The following RNF213 variants were observed in gnomAD, a reference collection of about 807,000 sequenced individuals.
RNF213 encodes the protein E3 ubiquitin-protein ligase RNF213.
In RNF213, 341 loss-of-function variants were observed where a neutral mutation model predicts 514.4. The ratio of observed to expected loss-of-function variants is 0.66; its 90% CI spans 0.61 to 0.73. RNF213 has a LOEUF of 0.73. Among genes scored for constraint, RNF213 ranks in the 30% least tolerant of loss-of-function variants. RNF213 has a pLI of 0.00. For missense variants in RNF213, 5,767 were observed against 6,615.6 expected (o/e 0.87, Z 4.45); for synonymous variants, 2,655 against 2,658.2 (o/e 1.00, Z 0.04).
Position 80,347,395 on chromosome 17 carries a change from G to C in RNF213, c.9060G>C (p.Gln3020His). 2 of 1,613,944 alleles carry C rather than the reference G, an allele frequency of 1.2e-6. No homozygotes were observed. The highest frequency in any genetic ancestry group is 1.7e-6 in the Non-Finnish European group (2 of 1,180,036). Residue 3020 changes from glutamine to histidine, a missense_variant, in exon 29 of 68, where the codon CAG becomes CAC. Gln to His is a conservative substitution (Grantham distance 24). This residue lies in a region of RNF213 where 919 missense variants were observed against 1,121.0 expected (regional missense o/e 0.82). Coordinates refer to ENST00000582970, the MANE Select transcript of RNF213 (RefSeq NM_001256071.3). This position sits in a 1 kb window ranked among gnomAD's most constrained non-coding sequence, Gnocchi z 7.2. ...TCAGCCCCATGCAGCTGATCAAACA[G>C]AACATCTTTGGGCCTTCTCAGAAGG... ...EEVSPMQLIK[Q>H]NIFGPSQKVP...
intron 2 of RNF213, among the ~76,000 whole-genome samples, chr17:80,268,972 C>A (rs1411126929): frequency 6.6e-6 from 1 of 152,146 alleles, no homozygotes; most frequent in African/African-American, 2.4e-5. Context: ...TGGCTGAAGA[C>A]CCGAGATCCC....
At chr17:80,291,534 A>G (rs969443980) in intron 7 of RNF213, 94 bp from the exon 8 acceptor site, 2 of 1,278,430 alleles carry the variant, frequency 1.6e-6, no homozygotes, top group African/African-American at 2.9e-5. Context: ...TGCCACATCA[A>G]CTTATAGCTT....
At chr17:80,378,114 C>G (rs1434346701) in intron 54 of RNF213, among the ~76,000 whole-genome samples, 1 of 152,210 alleles carries the variant, frequency 6.6e-6, no homozygotes, top group African/African-American at 2.4e-5. Context: ...ACAGCTAAAA[C>G]CAGACATTGA....
intron 11 of RNF213, 146 bp downstream of exon 11, chr17:80,298,664 A>G (rs2045054427): frequency 1.1e-6 from 1 of 890,676 alleles, no homozygotes; most frequent in African/African-American, 1.6e-5. Flanking sequence ...ATTTTAAGAC[A>G]TCAAAACTGT....
chr17:80,379,861 T>G (rs2144585234), intron 55 of RNF213, 147 bp downstream of exon 55: 2 of 720,084 alleles, frequency 2.8e-6, no homozygotes, highest in African/African-American at 1.7e-5. Flanking sequence ...AATGCCAAAG[T>G]CCCAGCAGTC....
At chr17:80,279,966 A>G (rs970905018) in intron 3 of RNF213, among the ~76,000 whole-genome samples, 9 of 152,182 alleles carry the variant, frequency 5.9e-5, no homozygotes, top group Admixed American at 3.3e-4. Context: ...CCTTCCCCGC[A>G]CCGCGCTCCC....
chr17:80,287,884 C>T lies in RNF213; in HGVS notation c.331C>T (p.Pro111Ser), dbSNP rs1333357899. The T allele has an allele frequency of 1.3e-6, 2 of 1,589,674 alleles. No individual in the cohort carries two copies. The highest frequency in any genetic ancestry group is 1.1e-5 in the South Asian group (1 of 88,316). The change falls in exon 4 of 68, where the codon CCC becomes TCC. Residue 111 changes from proline to serine, a missense_variant. Coordinates refer to ENST00000582970, the MANE Select transcript of RNF213 (RefSeq NM_001256071.3). ...CGCTTCCTCAGAGCTGGCTTCCTTG[C>T]CCCTTTCTCCTGCCAGCCCCTGTCA... Reference protein sequence around the residue: ...KSASSELASLPLSPASPCHLT... With the variant: ...KSASSELASLSLSPASPCHLT...
At position 80,372,723 on chromosome 17, in the gene RNF213, A is replaced by AG. The variant is rs2079565295; in HGVS notation, c.12743dup (p.Gly4249ArgfsTer78). 1.1e-5 allele frequency: 17 copies of AG among 1,613,156 alleles called. No homozygotes were observed. The highest frequency in any genetic ancestry group is 1.4e-5 in the Non-Finnish European group (16 of 1,179,986). On this transcript the variant is annotated frameshift_variant, in exon 48 of 68. Coordinates refer to ENST00000582970, the MANE Select transcript of RNF213 (RefSeq NM_001256071.3). LOFTEE classifies it high-confidence loss of function. ...GCTGCAGATTTCCTCTCGGAGCCTG[A>AG]GGGAGGCCCAGGCAAGTCTTCTCTG... is the stretch of plus-strand genomic sequence containing the variant.
At chr17:80,336,823 C>T in intron 23 of RNF213, 2 of 322,070 alleles carry the variant, frequency 6.2e-6, no homozygotes, top group Non-Finnish European at 1.2e-5. Flanking sequence ...ATTGCTTGAA[C>T]CCGGGAGGCA....
rs1272978398 is a variant in RNF213 at position 80,339,640 on chromosome 17, G to C, written c.5273G>C (p.Arg1758Thr). The C allele has an allele frequency of 6.5e-7, 1 of 1,537,222 alleles. No individual in the cohort carries two copies. The highest frequency in any genetic ancestry group is 1.4e-5 in the African/African-American group (1 of 73,146). ...AGTGAGGCCGCCAGGTACCGCATGA[G>C]GAGAGTCATGGAAGAGCTCCCGCTG... ...CGSEAARYRM[R>T]RVMEELPLML... The change falls in exon 26 of 68, where the codon AGG (arginine) becomes ACG (threonine). Residue 1758 changes from arginine (R) to threonine (T), a missense_variant. By Grantham distance (71) the Arg-to-Thr change is moderately conservative (BLOSUM62 -1). Around this residue, in one of 13 missense-constraint regions of RNF213, gnomAD observed 1,377 missense variants for 1,635.2 expected, o/e 0.84. Transcript: ENST00000582970.
At chr17:80,390,306 C>A in intron 67 of RNF213, 110 bp downstream of exon 67, 1 of 1,312,146 alleles carries the variant, frequency 7.6e-7, no homozygotes, top group Non-Finnish European at 1.1e-6. Flanking sequence ...AATCCCATTT[C>A]CTGCTTTTTG....
intron 18 of RNF213, among the ~76,000 whole-genome samples, chr17:80,325,706 T>C (rs2046261670): frequency 6.6e-6 from 1 of 151,828 alleles, no homozygotes; most frequent in Non-Finnish European, 1.5e-5. Flanking sequence ...AGGTGTTTTG[T>C]GGTCAAGGAG....
chr17:80,274,929 TGTGTGTGTTGGGTGTGTGAGTGGGGG>T (rs2043989685), intron 3 of RNF213, among the ~76,000 whole-genome samples: 3 of 57,466 alleles, frequency 5.2e-5, no homozygotes, highest in South Asian at 1.4e-3. Context: ...GTGAGTGGGG[TGTGTGTGTTGGGTGTGTGAGTGGGGG>T]GTGTGTGTGT....
At chr17:80,386,645 C>CG in intron 62 of RNF213, 45 bp from the exon 63 acceptor site, 1 of 1,586,258 alleles carries the variant, frequency 6.3e-7, no homozygotes, top group Non-Finnish European at 8.7e-7. Context: ...GCCCTAGGCC[C>CG]GCATGCCTGG....
At chr17:80,344,651 C>T in intron 28 of RNF213, 27 bp from the exon 29 acceptor site, 2 of 1,613,472 alleles carry the variant, frequency 1.2e-6, no homozygotes, top group Non-Finnish European at 1.7e-6. Flanking sequence ...TTCTTGTAAC[C>T]ATTTCATTAA....
Position 80,332,740 on chromosome 17 carries a change from T to C in RNF213, c.4143+109T>C, listed in dbSNP as rs184681719. ...AAAAGGGGGGCGGATGACTTAGAGC[T>C]TCCGTCAGGGGCTCCTGTGTGTGTG... On this transcript the variant is annotated intron_variant, in intron 21 of 67. Transcript: ENST00000582970. The C allele has an allele frequency of 3.2e-6, 4 of 1,263,856 alleles. No homozygotes were observed. The East Asian group carries it at 1.0e-4, about 32-fold the overall frequency. 78.3% of individuals were successfully genotyped at this position (1,263,856 alleles called of 1,614,324 possible).
intron 36 of RNF213, chr17:80,354,944 G>A (rs1215624335): frequency 4.7e-5 from 17 of 363,612 alleles, no homozygotes; most frequent in South Asian, 1.1e-4. Context: ...GGGGACAGGC[G>A]GGATTTTCCC....
In RNF213 at chr17:80,289,710, G is replaced by A. The variant is rs764762202; in HGVS notation, c.985G>A (p.Gly329Ser). ...GATGGCTGCTGCTGAAGAAAAAGTCGGTAAGAATGAACAAGGGGAGCCTGA... is the reference window on the plus strand; with the variant it reads ...GATGGCTGCTGCTGAAGAAAAAGTCAGTAAGAATGAACAAGGGGAGCCTGA... ...DEMAAAEEKV[G>S]KNEQGEPEDL... Residue 329 changes from glycine (G) to serine (S), a missense_variant, in exon 6 of 68, where the codon GGT (glycine) becomes AGT (serine). This residue lies in a region of RNF213 where 509 missense variants were observed against 496.7 expected (regional missense o/e 1.02). Coordinates refer to ENST00000582970, the MANE Select transcript of RNF213 (RefSeq NM_001256071.3). 36 of 1,614,044 alleles carry A rather than the reference G, an allele frequency of 2.2e-5. No individual in the cohort carries two copies. Among genetic ancestry groups the A allele is most frequent in the Non-Finnish European group, 2.7e-5 (32 of 1,179,998 alleles).
In RNF213 at chr17:80,291,819, G is replaced by C. The variant is rs1292798259; in HGVS notation, c.1463G>C (p.Gly488Ala). 2 of 1,614,178 alleles carry C rather than the reference G, an allele frequency of 1.2e-6. No homozygotes were observed. Among genetic ancestry groups the C allele is most frequent in the Non-Finnish European group, 1.7e-6 (2 of 1,180,040 alleles). Reference sequence around the variant, plus strand: ...CTGTTCATAAAATCTTCACTTCTGGGCTCAGGAGGTAAGTCGTGGCAGCAG... The same window carrying C: ...CTGTTCATAAAATCTTCACTTCTGGCCTCAGGAGGTAAGTCGTGGCAGCAG... ...RCLFIKSSLLGSGDWHQYYDI... is the reference protein window; with the variant it reads ...RCLFIKSSLLASGDWHQYYDI... The change falls in exon 8 of 68, where the codon GGC (glycine) becomes GCC (alanine). Residue 488 changes from glycine (G) to alanine (A), a missense_variant. Transcript: ENST00000582970.
Sources: gnomAD v4.1 joint callset for allele counts (sites outside exome capture counted in the v4.1 genomes callset) on GRCh38, gnomAD v4.1.1 for gene constraint, gnomAD v4.1.1 regional missense constraint, Gnocchi (gnomAD v3.1) non-coding constraint, MANE v1.5 for transcripts, NCBI Gene and HGNC (gene_info 2026-07-23, HGNC 2026-07-21) for gene names.